DOCK8: variants seen among roughly 807,000 people sequenced by gnomAD.
DOCK8 encodes dedicator of cytokinesis 8, also known as dedicator of cytokinesis protein 8.
A neutral mutation model predicts 245.6 loss-of-function variants in DOCK8; 141 were observed. That is an observed-to-expected ratio of 0.57 (90% CI 0.50 to 0.66). The LOEUF (loss-of-function observed/expected upper bound fraction) is 0.66, where lower values mean the gene tolerates loss of function less well. Among genes scored for constraint, DOCK8 ranks in the 30% least tolerant of loss-of-function variants. The probability of loss-of-function intolerance (pLI) is 0.00; values close to 1 mark genes in which losing one functional copy is unlikely to be tolerated. For synonymous variants in DOCK8, 1,168 were observed against 970.2 expected, an observed-to-expected ratio of 1.20 and a Z score of -3.79; for missense variants, 2,965 against 2,603.4, an observed-to-expected ratio of 1.14 and a Z score of -3.02.
At chr9:231,414 A>G (rs1424121067) in intron 1 of DOCK8, among the ~76,000 whole-genome samples, 17 of 152,138 alleles carry the variant, frequency 1.1e-4, no homozygotes, top group Admixed American at 1.1e-3. Context: ...TGAACTTTAA[A>G]GTAGTTTTTT....
chr9:418,296 G>T, intron 30 of DOCK8, 89 bp downstream of exon 30: 1 of 1,544,442 alleles, frequency 6.5e-7, no homozygotes, highest in South Asian at 1.1e-5. Context: ...TTTTGAGACA[G>T]AGTCTCACTC....
At chr9:416,787 T>G (rs367791092) in intron 29 of DOCK8, among the ~76,000 whole-genome samples, 26 of 152,188 alleles carry the variant, frequency 1.7e-4, no homozygotes, top group African/African-American at 5.3e-4. Flanking sequence ...ACGATAAAGG[T>G]GAAACTAGAG....
At chr9:384,692 A>G (rs758182280) in intron 22 of DOCK8, among the ~76,000 whole-genome samples, 88 of 152,212 alleles carry the variant, frequency 5.8e-4, no homozygotes, top group South Asian at 2.3e-3. Flanking sequence ...TGAGGCGGGC[A>G]GATCACGAGG....
upstream of DOCK8, among the ~76,000 whole-genome samples, chr9:212,172 G>C (rs1408545856): frequency 6.6e-6 from 1 of 152,130 alleles, no homozygotes; most frequent in African/African-American, 2.4e-5. Context: ...TTTTTATAAA[G>C]GACTTGGAGC....
intron 9 of DOCK8, among the ~76,000 whole-genome samples, chr9:331,463 G>A (rs2051009834): frequency 6.6e-6 from 1 of 152,092 alleles, no homozygotes; most frequent in Non-Finnish European, 1.5e-5. Context: ...CTTTATCATG[G>A]GTATTGTTAA....
chr9:318,777 G>A (rs984271226), intron 7 of DOCK8, among the ~76,000 whole-genome samples: 8 of 152,154 alleles, frequency 5.3e-5, no homozygotes, highest in Admixed American at 2.0e-4. Context: ...CTTCCCCTCT[G>A]CATTGTTTAG....
At position 334,277 on chromosome 9, in the gene DOCK8, G is replaced by A. The variant is rs374952856; in HGVS notation, c.1178G>A (p.Arg393His). 5.5e-5 allele frequency: 89 copies of A among 1,614,086 alleles called. No individual in the cohort carries two copies. The highest frequency in any genetic ancestry group is 3.3e-4 in the Middle Eastern group (2 of 6,084). The change falls in exon 11 of 48, where the codon CGT becomes CAT. Residue 393 changes from arginine to histidine, a missense_variant. This residue lies in a region of DOCK8 where 2,825 missense variants were observed against 2,453.5 expected (regional missense o/e 1.15). Transcript: ENST00000432829. The part of the protein sequence containing the change: ...LKLQAESFCQ[R>H]LGKYRMPFAW... ...CTCCAAGCTGAATCCTTCTGCCAGCGTTTGGGGAAATACCGGATGCCCTTT... is the reference window on the plus strand; with the variant it reads ...CTCCAAGCTGAATCCTTCTGCCAGCATTTGGGGAAATACCGGATGCCCTTT...
chr9:450,467 C>T (rs1355614819), intron 45 of DOCK8, among the ~76,000 whole-genome samples: 1 of 152,124 alleles, frequency 6.6e-6, no homozygotes, highest in African/African-American at 2.4e-5. Context: ...CTTCTTAGAA[C>T]GCTGACTCCC....
intron 8 of DOCK8, 28 bp downstream of exon 8, chr9:325,765 T>C (rs757240893): frequency 6.4e-7 from 1 of 1,564,806 alleles, no homozygotes; most frequent in Non-Finnish European, 8.8e-7. Flanking sequence ...AATCCATCCC[T>C]AAGGCACATA....
intron 14 of DOCK8, among the ~76,000 whole-genome samples, chr9:361,853 G>T (rs1333763978): frequency 6.6e-6 from 1 of 151,980 alleles, no homozygotes; most frequent in Non-Finnish European, 1.5e-5. Context: ...TTTTCTAGCT[G>T]CTAACCTTCA....
chr9:357,970 G>T (rs1322369030), intron 14 of DOCK8, among the ~76,000 whole-genome samples: 1 of 152,132 alleles, frequency 6.6e-6, no homozygotes, highest in Non-Finnish European at 1.5e-5. Flanking sequence ...TTGGAAACAG[G>T]AATAAACACA....
intron 14 of DOCK8, among the ~76,000 whole-genome samples, chr9:351,336 G>T (rs1172462678): frequency 2.0e-5 from 3 of 152,188 alleles, no homozygotes; most frequent in Non-Finnish European, 2.9e-5. Flanking sequence ...GGGCAGGTCA[G>T]AAGGACAGAT....
chr9:280,448 T>C (rs1340740460), intron 2 of DOCK8, among the ~76,000 whole-genome samples: 1 of 152,180 alleles, frequency 6.6e-6, no homozygotes, highest in Non-Finnish European at 1.5e-5. Context: ...GTGAAGGTAT[T>C]GGCTTGCCTA....
chr9:415,692 G>GCACACACGCACA (rs1554699022), intron 29 of DOCK8, among the ~76,000 whole-genome samples: 2 of 151,088 alleles, frequency 1.3e-5, no homozygotes, highest in African/African-American at 4.9e-5. Flanking sequence ...GTGCGCGCGT[G>GCACACACGCACA]CACACACACA....
intron 30 of DOCK8, among the ~76,000 whole-genome samples, chr9:419,125 C>T (rs1167162134): frequency 6.6e-6 from 1 of 152,192 alleles, no homozygotes; most frequent in East Asian, 1.9e-4. Context: ...GCACTGCATC[C>T]TCCAATGTCA....
At chr9:237,678 A>G (rs1267983314) in intron 1 of DOCK8, among the ~76,000 whole-genome samples, 1 of 152,094 alleles carries the variant, frequency 6.6e-6, no homozygotes, top group Non-Finnish European at 1.5e-5. Flanking sequence ...ATAAAATAAA[A>G]TCTAATTGCA....
intron 23 of DOCK8, among the ~76,000 whole-genome samples, chr9:387,832 T>C (rs1427272317): frequency 1.3e-5 from 2 of 152,262 alleles, no homozygotes; most frequent in Non-Finnish European, 2.9e-5. Flanking sequence ...AAAACCATTA[T>C]TTGCCTACAG....
intron 1 of DOCK8, among the ~76,000 whole-genome samples, chr9:266,511 G>A (rs1291668584): frequency 6.6e-6 from 1 of 152,170 alleles, no homozygotes; most frequent in African/African-American, 2.4e-5. Context: ...CACAAGAGAT[G>A]CTAATACAGG....
intron 31 of DOCK8, 142 bp from the exon 32 acceptor site, chr9:420,807 C>G: frequency 7.7e-7 from 1 of 1,300,874 alleles, no homozygotes; most frequent in Non-Finnish European, 1.1e-6. Flanking sequence ...AGTTTTGGCC[C>G]ATAGGATGCT....
Sources: allele counts gnomAD v4.1 joint callset (sites outside exome capture counted in the v4.1 genomes callset), GRCh38; gene constraint gnomAD v4.1.1; regional missense constraint gnomAD v4.1.1; transcripts MANE v1.5; gene names NCBI Gene and HGNC (gene_info 2026-07-23, HGNC 2026-07-21).